Variants in PTPRZ1 observed in about 807,000 individuals in gnomAD.
PTPRZ1 encodes the protein receptor-type tyrosine-protein phosphatase zeta.
A neutral mutation model predicts 214.1 loss-of-function variants in PTPRZ1; 82 were observed. The observed-to-expected ratio is 0.38, with a 90% CI of 0.32 to 0.46. PTPRZ1 has a LOEUF of 0.46. Ranked by LOEUF, PTPRZ1 falls within the 20% of genes least tolerant of loss-of-function variation. The pLI is 1.00. For missense variants in PTPRZ1, 2,603 were observed against 2,748.7 expected, an observed-to-expected ratio of 0.95 and a Z score of 1.19; for synonymous variants, 945 against 987.9, an observed-to-expected ratio of 0.96 and a Z score of 0.81.
At chr7:122,036,782 T>C (rs17524836) in intron 18 of PTPRZ1, 100 bp downstream of exon 18, 13,094 of 720,248 alleles carry the variant, frequency 0.018, 137 homozygotes, top group Middle Eastern at 0.026. Context: ...CTTAATGTCA[T>C]GTTATTCGAT....
intron 11 of PTPRZ1, among the ~76,000 whole-genome samples, chr7:122,008,784 T>C (rs1386569376): frequency 1.3e-5 from 2 of 152,126 alleles, no homozygotes; most frequent in Non-Finnish European, 2.9e-5. Flanking sequence ...ACTGCCAAGC[T>C]TAACATTGAT....
intron 2 of PTPRZ1, among the ~76,000 whole-genome samples, chr7:121,958,136 G>C (rs547871802): frequency 6.6e-6 from 1 of 152,094 alleles, no homozygotes; most frequent in South Asian, 2.1e-4. Context: ...ACAGCAAACT[G>C]TTTTTAAAAA....
chr7:121,907,177 C>T (rs1795141800), intron 1 of PTPRZ1, among the ~76,000 whole-genome samples: 1 of 151,946 alleles, frequency 6.6e-6, no homozygotes, highest in African/African-American at 2.4e-5. Context: ...TTACAAATAT[C>T]ACATTAATTG....
At chr7:121,954,621 A>G (rs1223794671) in intron 2 of PTPRZ1, among the ~76,000 whole-genome samples, 1 of 152,186 alleles carries the variant, frequency 6.6e-6, no homozygotes, top group African/African-American at 2.4e-5. Context: ...ATTATAATTG[A>G]CAGTTTTTAT....
chr7:121,947,861 A>T (rs530267733), intron 2 of PTPRZ1, among the ~76,000 whole-genome samples: 14 of 152,076 alleles, frequency 9.2e-5, no homozygotes, highest in Non-Finnish European at 1.5e-4. Context: ...GCATACTGAA[A>T]TTTTCTCACA....
intron 1 of PTPRZ1, among the ~76,000 whole-genome samples, chr7:121,881,864 C>T (rs144660044): frequency 3.3e-5 from 5 of 152,234 alleles, no homozygotes; most frequent in Non-Finnish European, 5.9e-5. Context: ...CACATAATAT[C>T]GTTCATTTCA....
chr7:121,920,434 G>C (rs1795562197), intron 1 of PTPRZ1, among the ~76,000 whole-genome samples: 2 of 152,080 alleles, frequency 1.3e-5, no homozygotes, highest in African/African-American at 4.8e-5. Flanking sequence ...TACACAGATT[G>C]GGTTTTCTTC....
intron 13 of PTPRZ1, among the ~76,000 whole-genome samples, chr7:122,023,484 T>TA (rs1200565183): frequency 8.7e-5 from 12 of 137,444 alleles, no homozygotes; most frequent in Non-Finnish European, 1.2e-4. Flanking sequence ...TATATATAAT[T>TA]TTATATATAA....
At chr7:122,060,958 G>T (rs749834407) in intron 29 of PTPRZ1, 122 bp from the exon 30 acceptor site, 56 of 861,518 alleles carry the variant, frequency 6.5e-5, no homozygotes, top group Non-Finnish European at 7.4e-5. Flanking sequence ...GTATAACAGT[G>T]CCCTTAACAC....
chr7:121,934,953 A>G (rs1254844107), intron 2 of PTPRZ1, among the ~76,000 whole-genome samples: 1 of 151,684 alleles, frequency 6.6e-6, no homozygotes, highest in Non-Finnish European at 1.5e-5. Context: ...CTAAGAGTAG[A>G]TTTTAGGTGT....
At chr7:122,039,947 A>C (rs1451431915) in intron 20 of PTPRZ1, among the ~76,000 whole-genome samples, 1 of 151,484 alleles carries the variant, frequency 6.6e-6, no homozygotes. Flanking sequence ...ATGCCACTGC[A>C]CTCCAGCCTG....
chr7:121,985,777 C>T (rs1797748641), intron 8 of PTPRZ1, among the ~76,000 whole-genome samples: 1 of 152,210 alleles, frequency 6.6e-6, no homozygotes, highest in Non-Finnish European at 1.5e-5. Flanking sequence ...AAATGGTGCT[C>T]CTCTGGAGGT....
chr7:122,039,093 C>A (rs192029798), intron 19 of PTPRZ1, among the ~76,000 whole-genome samples: 1 of 152,120 alleles, frequency 6.6e-6, no homozygotes, highest in African/African-American at 2.4e-5. Flanking sequence ...GCCTTTTAAA[C>A]GCATTCTTCA....
At chr7:121,959,476 A>G (rs1796812453) in intron 2 of PTPRZ1, among the ~76,000 whole-genome samples, 1 of 152,238 alleles carries the variant, frequency 6.6e-6, no homozygotes, top group South Asian at 2.1e-4. Flanking sequence ...GTGCATGGAA[A>G]CACATCCTCA....
chr7:121,877,953 TA>T (rs1794112885), intron 1 of PTPRZ1, among the ~76,000 whole-genome samples: 1 of 150,112 alleles, frequency 6.7e-6, no homozygotes, highest in African/African-American at 2.4e-5. Context: ...TAAAAGTGTA[TA>T]TATATATATG....
At chr7:121,981,034 C>G (rs972732986) in intron 6 of PTPRZ1, among the ~76,000 whole-genome samples, 3 of 151,486 alleles carry the variant, frequency 2.0e-5, no homozygotes, top group Non-Finnish European at 4.4e-5. Context: ...CCCAGCTACT[C>G]GGGAGGCTGA....
At chr7:121,943,649 A>C (rs1796296433) in intron 2 of PTPRZ1, among the ~76,000 whole-genome samples, 1 of 152,148 alleles carries the variant, frequency 6.6e-6, no homozygotes, top group Non-Finnish European at 1.5e-5. Flanking sequence ...ATAATGGAGA[A>C]TTTAAAGCAG....
chr7:122,039,004 C>T lies in PTPRZ1; in HGVS notation c.5502+115C>T, dbSNP rs1158474587. 3.5e-6 allele frequency: 4 copies of T among 1,130,282 alleles called. No individual in the cohort carries two copies. In the East Asian group the frequency reaches 9.6e-5, roughly 27 times the overall value. 70.0% of individuals were successfully genotyped at this position (1,130,282 alleles called of 1,614,324 possible). A position where few individuals can be genotyped will look rare whatever the true frequency, so the allele number is the denominator to read the frequency against. On this transcript the variant is annotated intron_variant, in intron 19 of 29. Coordinates refer to ENST00000393386, the MANE Select transcript of PTPRZ1 (RefSeq NM_002851.3). ...AAAGTTTTGAGAGTTATTTGGGATT[C>T]TTTTTTAGTAAATATGACAGCTAAA...
intron 8 of PTPRZ1, among the ~76,000 whole-genome samples, chr7:121,987,325 G>A (rs1262905057): frequency 6.6e-6 from 1 of 152,062 alleles, no homozygotes; most frequent in African/African-American, 2.4e-5. Flanking sequence ...CTTTGTCCCA[G>A]GTCCTTCAAA....
Sources: allele counts gnomAD v4.1 joint callset (sites outside exome capture counted in the v4.1 genomes callset), GRCh38; gene constraint gnomAD v4.1.1; transcripts MANE v1.5; gene names NCBI Gene and HGNC (gene_info 2026-07-23, HGNC 2026-07-21).